Variants in LRRC74B observed in about 807,000 individuals in gnomAD.
LRRC74B encodes the protein leucine rich repeat containing 74B.
LRRC74B carries 30 observed loss-of-function variants against 16.6 expected under a neutral mutation model. The observed-to-expected ratio is 1.80, with a 90% CI of 1.35 to 2.45. LRRC74B has a LOEUF of 2.45. Among genes scored for constraint, LRRC74B ranks in the 30% most tolerant of loss-of-function variants. The pLI is 0.00. For missense variants in LRRC74B, 326 were observed against 202.4 expected (o/e 1.61, Z -3.71); for synonymous variants, 134 against 86.0 (o/e 1.56, Z -3.09).
chr22:21,046,096 C>A lies in LRRC74B; in HGVS notation c.110C>A (p.Ala37Asp), dbSNP rs1180349878. 5.6e-6 allele frequency: 4 copies of A among 717,334 alleles called. No individual in the cohort carries two copies. The Admixed American group carries it at 8.0e-5, about 14-fold the overall frequency. The allele number at this position is 717,334 out of a possible 1,614,324, so 44.4% of individuals were successfully genotyped here. A position where few individuals can be genotyped will look rare whatever the true frequency, so the allele number is the denominator to read the frequency against. ...CCCGAGGCCGAGCAGGGTCCCGAGG[C>A]CAATTGGGACTCCGACCTGGAGACG... The change falls in exon 1 of 9, where the codon GCC becomes GAC. Residue 37 changes from alanine to aspartate, a missense_variant. Transcript: ENST00000442047.
chr22:21,057,207 G>A lies in LRRC74B; in HGVS notation c.1023+7G>A. On this transcript the variant is annotated splice_region_variant and intron_variant, in intron 8 of 8. Coordinates refer to ENST00000442047, the Ensembl canonical transcript of LRRC74B. ...GGAACTGCTGGATTTCTCAGTAAGAGCATTTTATAAACCTCGTTTCTGATC... is the reference window on the plus strand; with the variant it reads ...GGAACTGCTGGATTTCTCAGTAAGAACATTTTATAAACCTCGTTTCTGATC... 1.4e-6 allele frequency: 1 copy of A among 717,122 alleles called. No individual in the cohort carries two copies. Among genetic ancestry groups the A allele is most frequent in the Non-Finnish European group, 2.6e-6 (1 of 384,976 alleles). 44.4% of individuals were successfully genotyped at this position (717,122 alleles called of 1,614,324 possible).
intron 3 of LRRC74B, 126 bp downstream of exon 3, chr22:21,048,142 G>T: frequency 1.5e-6 from 1 of 674,760 alleles, no homozygotes. Context: ...TAGAAGAGGG[G>T]CCTCATCACA....
intron 8 of LRRC74B, among the ~76,000 whole-genome samples, chr22:21,059,576 A>G (rs532830871): frequency 1.7e-3 from 255 of 152,338 alleles, no homozygotes; most frequent in African/African-American, 5.7e-3. Context: ...AACCCAAAAA[A>G]CAAAAAAACA....
Position 21,052,497 on chromosome 22 carries a change from G to A in LRRC74B, c.732+139G>A, listed in dbSNP as rs1930150763. On this transcript the variant is annotated intron_variant, in intron 5 of 8. Coordinates refer to ENST00000442047, the Ensembl canonical transcript of LRRC74B. ...CAGCTTAAAGACTGTTTCTTTAGGT[G>A]ATTTTAATTTTCCTGGCTTCACTTA... The A allele has an allele frequency of 4.9e-6, 3 of 617,468 alleles. No individual in the cohort carries two copies. In the East Asian group the frequency reaches 8.2e-5, roughly 17 times the overall value. 38.2% of individuals were successfully genotyped at this position (617,468 alleles called of 1,614,324 possible).
intron 8 of LRRC74B, among the ~76,000 whole-genome samples, chr22:21,059,755 G>GT (rs1391028074): frequency 6.6e-6 from 1 of 152,114 alleles, no homozygotes; most frequent in Non-Finnish European, 1.5e-5. Flanking sequence ...TCAGACTTGT[G>GT]TTTTTGTGAA....
rs950889216 is a variant in LRRC74B, at chr22:21,047,834, T to C, written c.283-50T>C. 4 of 711,798 alleles carry C rather than the reference T, an allele frequency of 5.6e-6. No homozygotes were observed. The Admixed American group carries it at 8.0e-5, about 14-fold the overall frequency. The allele number at this position is 711,798 out of a possible 1,614,324, so 44.1% of individuals were successfully genotyped here. A position where few individuals can be genotyped will look rare whatever the true frequency, so the allele number is the denominator to read the frequency against. On this transcript the variant is annotated intron_variant, in intron 2 of 8. Coordinates refer to ENST00000442047, the Ensembl canonical transcript of LRRC74B. Reference sequence around the variant, plus strand: ...GGAGGATGTGGAGTGGGCTGAGCCCTGGAGCATGAGCCAGGATAGTGGCCA... The same window carrying C: ...GGAGGATGTGGAGTGGGCTGAGCCCCGGAGCATGAGCCAGGATAGTGGCCA...
At chr22:21,048,061 TC>T in intron 3 of LRRC74B, 45 bp downstream of exon 3, 1 of 715,222 alleles carries the variant, frequency 1.4e-6, no homozygotes, top group South Asian at 1.5e-5. Flanking sequence ...GTCCTCCTTT[TC>T]CTCAGGGATG....
chr22:21,060,183 C>G (rs1189878315), intron 8 of LRRC74B, among the ~76,000 whole-genome samples, 190 bp from the exon 9 acceptor site: 2 of 152,038 alleles, frequency 1.3e-5, no homozygotes, highest in African/African-American at 4.8e-5. Context: ...TAAATAAATA[C>G]AGCAGGCCTC....
chr22:21,049,811 A>C (rs571136071), intron 4 of LRRC74B, among the ~76,000 whole-genome samples: 1 of 151,960 alleles, frequency 6.6e-6, no homozygotes, highest in African/African-American at 2.4e-5. Context: ...TGTGATTGGG[A>C]TTCCTTGATC....
intron 4 of LRRC74B, among the ~76,000 whole-genome samples, chr22:21,049,607 TCAGAGGGAGAG>T (rs1929818218): frequency 6.6e-6 from 1 of 151,240 alleles, no homozygotes; most frequent in Non-Finnish European, 1.5e-5. Flanking sequence ...CATGGCAAGA[TCAGAGGGAGAG>T]CATTGCAAGC....
At position 21,055,080 on chromosome 22, in the gene LRRC74B, CTGT is replaced by C; in HGVS notation, c.849-13_849-11del. 1 of 716,568 alleles carries C rather than the reference CTGT, an allele frequency of 1.4e-6. No individual in the cohort carries two copies. The allele number at this position is 716,568 out of a possible 1,614,324, so 44.4% of individuals were successfully genotyped here. A position where few individuals can be genotyped will look rare whatever the true frequency, so the allele number is the denominator to read the frequency against. On this transcript the variant is annotated splice_polypyrimidine_tract_variant and intron_variant, in intron 6 of 8. Coordinates refer to ENST00000442047, the Ensembl canonical transcript of LRRC74B. ...TTGGAAGGTTGCACAATGCATGTGC[CTGT>C]TGTTTTTGTTGCAGTAACAACCGCA...
exon 3 of LRRC74B, chr22:21,047,943 T>C (rs1429542455): frequency 1.4e-6 from 1 of 717,324 alleles, no homozygotes; most frequent in Non-Finnish European, 2.6e-6. Flanking sequence ...GGCTGGACCT[T>C]CGAGACAATG....
chr22:21,060,303 T>A (rs1930748354), intron 8 of LRRC74B, 70 bp from the exon 9 acceptor site: 1 of 635,944 alleles, frequency 1.6e-6, no homozygotes, highest in East Asian at 2.7e-5. Flanking sequence ...AGACCTTGCG[T>A]GTGTGAGTGA....
intron 4 of LRRC74B, among the ~76,000 whole-genome samples, chr22:21,050,679 G>T (rs1209082224): frequency 6.6e-6 from 1 of 151,414 alleles, no homozygotes; most frequent in Non-Finnish European, 1.5e-5. Context: ...ATGGGAGGCT[G>T]AGGCAGGAGA....
intron 8 of LRRC74B, among the ~76,000 whole-genome samples, chr22:21,058,134 C>A (rs1456327074): frequency 6.6e-6 from 1 of 151,158 alleles, no homozygotes; most frequent in South Asian, 2.1e-4. Flanking sequence ...CTCCTGACCT[C>A]AGGTGATCCA....
intron 1 of LRRC74B, among the ~76,000 whole-genome samples, chr22:21,046,921 G>A (rs191889109): frequency 2.6e-4 from 39 of 151,920 alleles, no homozygotes; most frequent in African/African-American, 8.7e-4. Context: ...GTGAAACCCC[G>A]TCTCTACTGA....
chr22:21,060,698 G>A (rs1296494585), downstream of LRRC74B: 9 of 548,826 alleles, frequency 1.6e-5, no homozygotes, highest in Admixed American at 6.6e-5. Flanking sequence ...TGTGCCCCAC[G>A]GACCCTGCAC....
intron 4 of LRRC74B, among the ~76,000 whole-genome samples, chr22:21,051,539 G>A (rs917597825): frequency 6.6e-6 from 1 of 151,698 alleles, no homozygotes; most frequent in Non-Finnish European, 1.5e-5. Context: ...CTCTTGCCTA[G>A]CCTATGGCAC....
At chr22:21,053,251 C>T (rs1456143223) in intron 5 of LRRC74B, 109 bp from the exon 6 acceptor site, 2 of 631,416 alleles carry the variant, frequency 3.2e-6, no homozygotes, top group Admixed American at 2.6e-5. Context: ...CCCTTCTGCC[C>T]TTTATCTCTT....
Sources: allele counts gnomAD v4.1 joint callset (sites outside exome capture counted in the v4.1 genomes callset), GRCh38; gene constraint gnomAD v4.1.1; transcripts MANE v1.5; gene names NCBI Gene and HGNC (gene_info 2026-07-23, HGNC 2026-07-21).